CAPN8: variants seen among roughly 807,000 people sequenced by gnomAD.
CAPN8 encodes calpain 8, also known as calpain-8.
In CAPN8, 87 loss-of-function variants were observed where a neutral mutation model predicts 80.9. The observed-to-expected ratio is 1.07, with a 90% CI of 0.90 to 1.28. CAPN8 has a LOEUF of 1.28. Ranked by LOEUF, CAPN8 falls within the 50% of genes most tolerant of loss-of-function variation. The pLI, the probability that CAPN8 is intolerant of heterozygous loss-of-function variation, is 0.00. For missense variants in CAPN8, 757 were observed against 702.0 expected, an observed-to-expected ratio of 1.08 and a Z score of -0.89; for synonymous variants, 299 against 273.8, an observed-to-expected ratio of 1.09 and a Z score of -0.91.
intron 11 of CAPN8, among the ~76,000 whole-genome samples, chr1:223,609,996 C>T (rs960831711): frequency 3.3e-5 from 5 of 152,326 alleles, no homozygotes; most frequent in Non-Finnish European, 2.9e-5. Flanking sequence ...TCTCCAAGAC[C>T]CACTTATTTG....
chr1:223,547,611 G>A (rs1280433278), intron 16 of CAPN8, among the ~76,000 whole-genome samples: 4 of 152,188 alleles, frequency 2.6e-5, no homozygotes, highest in African/African-American at 9.7e-5. Context: ...GCTGTATGGT[G>A]TGTAAATGAT....
intron 2 of CAPN8, among the ~76,000 whole-genome samples, chr1:223,640,777 G>T (rs1281390306): frequency 6.6e-6 from 1 of 152,112 alleles, no homozygotes; most frequent in Non-Finnish European, 1.5e-5. Context: ...AAATTGTCAT[G>T]ATGTGGAAAT....
At position 223,622,819 on chromosome 1, in the gene CAPN8, C is replaced by T. The variant is rs755106512; in HGVS notation, c.895G>A (p.Asp299Asn). The change falls in exon 7 of 21, where the codon GAT (aspartate) becomes AAT (asparagine). Residue 299 changes from aspartate (D) to asparagine (N), a missense_variant. By Grantham distance (23) the Asp-to-Asn change is conservative. Transcript: ENST00000366872. ...AAGCGGGGGAAAAAAACCTACTCAT[C>T]GCTCCAGGCTCCCGACCACTCCACT... The part of the protein sequence containing the change: ...GEVEWSGAWS[D>N]DAPEWNHIDP... The T allele has an allele frequency of 4.6e-5, 72 of 1,551,514 alleles. No homozygotes were observed. Among genetic ancestry groups the T allele is most frequent in the Non-Finnish European group, 5.8e-5 (67 of 1,146,792 alleles).
intron 1 of CAPN8, among the ~76,000 whole-genome samples, chr1:223,665,182 G>C (rs974672650): frequency 1.3e-5 from 2 of 152,118 alleles, no homozygotes; most frequent in Admixed American, 6.5e-5. Flanking sequence ...AAACCCAGGA[G>C]GTAGAGGTTG....
chr1:223,628,717 A>AC lies in CAPN8; in HGVS notation c.370dup (p.Val124GlyfsTer32). On this transcript the variant is annotated frameshift_variant, in exon 3 of 21. Transcript: ENST00000366872. LOFTEE classifies it high-confidence loss of function. The stretch of plus-strand genomic sequence containing the variant: ...CTGGAAGTCCTGGTCCCTGGGGACC[A>AC]CCCGGTAAAGCAGCTCTTCATTCAG... 6.4e-7 allele frequency: 1 copy of AC among 1,552,030 alleles called. No individual in the cohort carries two copies. Among genetic ancestry groups the AC allele is most frequent in the Non-Finnish European group, 8.7e-7 (1 of 1,147,180 alleles).
chr1:223,552,845 T>C (rs891750647), intron 14 of CAPN8, among the ~76,000 whole-genome samples: 4 of 152,172 alleles, frequency 2.6e-5, no homozygotes, highest in African/African-American at 4.8e-5. Context: ...GCTTTTCCTT[T>C]CATCATTCTT....
At chr1:223,545,100 A>T (rs61823525) in intron 17 of CAPN8, 131 bp downstream of exon 17, 4 of 1,465,942 alleles carry the variant, frequency 2.7e-6, no homozygotes, top group Non-Finnish European at 2.8e-6. Flanking sequence ...TTGTTCCTTC[A>T]TGACCAATGT....
At chr1:223,623,954 C>T (rs1657480324) in intron 6 of CAPN8, among the ~76,000 whole-genome samples, 1 of 148,738 alleles carries the variant, frequency 6.7e-6, no homozygotes, top group Admixed American at 6.7e-5. Flanking sequence ...GAGCCGAGAT[C>T]GTGCCCCTGC....
In CAPN8 at chr1:223,551,204, G is replaced by A. The variant is rs73130106; in HGVS notation, c.1642-187C>T. Among the ~76,000 whole-genome samples, 1,123 of 151,988 alleles carry A rather than the reference G, an allele frequency of 7.4e-3. 14 individuals carry two copies. Among genetic ancestry groups the A allele is most frequent in the African/African-American group, 0.023 (933 of 41,444 alleles). On this transcript the variant is annotated intron_variant, in intron 14 of 20. Transcript: ENST00000366872. ...GTCACTCAAGCTGGAGTGTAGTGCCGCAATCTCTGCTCACTGCAACCTCCA... is the reference window on the plus strand; with the variant it reads ...GTCACTCAAGCTGGAGTGTAGTGCCACAATCTCTGCTCACTGCAACCTCCA...
chr1:223,616,219 A>C, intron 9 of CAPN8, 74 bp from the exon 10 acceptor site: 1 of 1,450,160 alleles, frequency 6.9e-7, no homozygotes, highest in Non-Finnish European at 9.2e-7. Context: ...GTAAAAGGGA[A>C]GAAACTTGAT....
At chr1:223,637,513 T>C (rs1468994066) in intron 2 of CAPN8, among the ~76,000 whole-genome samples, 1 of 151,924 alleles carries the variant, frequency 6.6e-6, no homozygotes, top group East Asian at 1.9e-4. Context: ...AGTGAATGAG[T>C]CAGCCAGGTT....
chr1:223,624,667 T>C (rs998187668), intron 6 of CAPN8, among the ~76,000 whole-genome samples: 5 of 151,902 alleles, frequency 3.3e-5, no homozygotes, highest in African/African-American at 9.7e-5. Flanking sequence ...TGAGCCAAGA[T>C]CATGCAACTG....
chr1:223,620,416 G>A (rs750988813), intron 7 of CAPN8, 150 bp from the exon 8 acceptor site: 332 of 676,280 alleles, frequency 4.9e-4, no homozygotes, highest in Admixed American at 9.5e-4. Context: ...ACAGTGTGGC[G>A]CGAGCACACT....
intron 10 of CAPN8, among the ~76,000 whole-genome samples, chr1:223,615,289 G>A (rs558930147): frequency 6.6e-6 from 1 of 152,258 alleles, no homozygotes; most frequent in Non-Finnish European, 1.5e-5. Flanking sequence ...AGGAGTCTTT[G>A]CCTGTATAAA....
rs1269684529 is a variant in CAPN8, at chr1:223,656,682, T to G, written c.238-2283A>C. Among the ~76,000 whole-genome samples the G allele has an allele frequency of 8.2e-3, 367 of 44,756 alleles. 7 individuals carry two copies. The highest frequency in any genetic ancestry group is 0.027 in the African/African-American group (359 of 13,180). 29.4% of individuals were successfully genotyped at this position (44,756 alleles called of 152,430 possible). ...ACACGTTTTGGGTTTTTTTGTTTTGTTTTTTTTTTTTTTTTTTTTGAGACG... is the reference window on the plus strand; with the variant it reads ...ACACGTTTTGGGTTTTTTTGTTTTGGTTTTTTTTTTTTTTTTTTTGAGACG... On this transcript the variant is annotated intron_variant, in intron 1 of 20. Coordinates refer to ENST00000366872, the MANE Select transcript of CAPN8 (RefSeq NM_001143962.2).
At chr1:223,543,869 C>A (rs1446720636) in intron 19 of CAPN8, among the ~76,000 whole-genome samples, 198 bp downstream of exon 19, 3 of 152,240 alleles carry the variant, frequency 2.0e-5, no homozygotes, top group Admixed American at 6.5e-5. Flanking sequence ...CTGGATCTGG[C>A]CAGCCTGGAC....
chr1:223,544,086 G>A lies in CAPN8; in HGVS notation c.2010C>T (p.Ile670=). 1.4e-6 allele frequency: 1 copy of A among 718,210 alleles called. No homozygotes were observed. Among genetic ancestry groups the A allele is most frequent in the South Asian group, 1.5e-5 (1 of 67,602 alleles). The allele number at this position is 718,210 out of a possible 1,614,324, so 44.5% of individuals were successfully genotyped here. A position where few individuals can be genotyped will look rare whatever the true frequency, so the allele number is the denominator to read the frequency against. ...ACTCACTGAAGAGGGTCTCCAGGCG[G>A]ATCATACAAGCCACGAAGCTGTCAA... ...INFDSFVACM[I]RLETLFKLFS... is the part of the protein sequence containing the mutation. Residue 670 remains isoleucine, a synonymous_variant, in exon 19 of 21, where the codon ATC becomes ATT. Transcript: ENST00000366872.
chr1:223,646,234 C>T (rs1658188347), intron 2 of CAPN8, among the ~76,000 whole-genome samples: 1 of 152,230 alleles, frequency 6.6e-6, no homozygotes, highest in South Asian at 2.1e-4. Flanking sequence ...GGTTCATGGC[C>T]TCTTAGAAGA....
At chr1:223,544,475 G>T (rs918549526) in intron 18 of CAPN8, among the ~76,000 whole-genome samples, 5 of 152,144 alleles carry the variant, frequency 3.3e-5, no homozygotes, top group South Asian at 2.1e-4. Flanking sequence ...TGAGGGGGCT[G>T]CCTGTCTGGC....
Sources: gnomAD v4.1 joint callset for allele counts (sites outside exome capture counted in the v4.1 genomes callset) on GRCh38, gnomAD v4.1.1 for gene constraint, MANE v1.5 for transcripts, NCBI Gene and HGNC (gene_info 2026-07-23, HGNC 2026-07-21) for gene names.